Variants in DDAH1 observed in about 807,000 individuals in gnomAD.
The protein encoded by DDAH1 is N(G),N(G)-dimethylarginine dimethylaminohydrolase 1.
A neutral mutation model predicts 28.8 loss-of-function variants in DDAH1; 19 were observed. That is an observed-to-expected ratio of 0.66 (90% confidence interval 0.46 to 0.97). The LOEUF is 0.97. Ranked by LOEUF, DDAH1 falls within the 50% of genes least tolerant of loss-of-function variation. The pLI is 0.00. For synonymous variants in DDAH1, 153 were observed against 154.4 expected, an observed-to-expected ratio of 0.99 and a Z score of 0.07; for missense variants, 326 against 375.9, an observed-to-expected ratio of 0.87 and a Z score of 1.10.
At chr1:85,414,886 A>T (rs553317659) in intron 1 of DDAH1, among the ~76,000 whole-genome samples, 1 of 152,324 alleles carries the variant, frequency 6.6e-6, no homozygotes, top group South Asian at 2.1e-4. Flanking sequence ...ATTGGTAATC[A>T]GGGAAAGAAA....
chr1:85,420,142 C>T (rs1004840582), intron 1 of DDAH1, among the ~76,000 whole-genome samples: 4 of 152,108 alleles, frequency 2.6e-5, no homozygotes, highest in Non-Finnish European at 5.9e-5. Flanking sequence ...AGCACACTCC[C>T]TGGGTCTGTC....
rs561878486 is a variant in DDAH1, at chr1:85,498,878, C to G, written c.-122-2597G>C. On this transcript the variant is annotated intron_variant, in intron 1 of 6. Transcript: ENST00000426972. ...TGGAGGTTGCAGTGAACAGAGATCACGCCACTGCCTTCCAGCCTGGGCGAC... is the reference window on the plus strand; with the variant it reads ...TGGAGGTTGCAGTGAACAGAGATCAGGCCACTGCCTTCCAGCCTGGGCGAC... Among the ~76,000 whole-genome samples the G allele has an allele frequency of 3.3e-5, 5 of 152,084 alleles. No homozygotes were observed. The South Asian group carries it at 1.0e-3, about 32-fold the overall frequency.
At chr1:85,456,270 G>GGT (rs1654877351) in intron 1 of DDAH1, among the ~76,000 whole-genome samples, 1 of 152,164 alleles carries the variant, frequency 6.6e-6, no homozygotes, top group African/African-American at 2.4e-5. Context: ...GAGATTCAAT[G>GGT]GTGACTAATG....
chr1:85,519,431 A>C (rs1213626992), intron 1 of DDAH1, among the ~76,000 whole-genome samples: 2 of 152,242 alleles, frequency 1.3e-5, no homozygotes, highest in African/African-American at 4.8e-5. Flanking sequence ...AAGACTGAGA[A>C]GATAAATACA....
chr1:85,550,056 G>A (rs1658739546), intron 1 of DDAH1, among the ~76,000 whole-genome samples: 1 of 152,090 alleles, frequency 6.6e-6, no homozygotes, highest in African/African-American at 2.4e-5. Flanking sequence ...CAGCATGTCT[G>A]GTATAGTAGA....
chr1:85,437,620 T>G (rs1164208452), intron 1 of DDAH1, among the ~76,000 whole-genome samples: 1 of 152,276 alleles, frequency 6.6e-6, no homozygotes, highest in Non-Finnish European at 1.5e-5. Flanking sequence ...TATGTGTTAA[T>G]GCACTTTATG....
At chr1:85,359,931 T>G (rs996067911) in intron 1 of DDAH1, among the ~76,000 whole-genome samples, 8 of 152,180 alleles carry the variant, frequency 5.3e-5, no homozygotes, top group Non-Finnish European at 8.8e-5. Flanking sequence ...GTCCTTCCAG[T>G]AGCTCAACAA....
chr1:85,537,761 C>T (rs1206341775), intron 1 of DDAH1, among the ~76,000 whole-genome samples: 1 of 151,062 alleles, frequency 6.6e-6, no homozygotes, highest in Non-Finnish European at 1.5e-5. Flanking sequence ...TTGACCCAGA[C>T]TCAGTAAATT....
exon 1 of DDAH1, chr1:85,578,055 G>A: frequency 2.0e-6 from 2 of 982,040 alleles, no homozygotes; most frequent in Non-Finnish European, 2.4e-6. Context: ...CGGAGGCGGC[G>A]AGAAGGCGAC....
intron 2 of DDAH1, among the ~76,000 whole-genome samples, chr1:85,353,629 T>C (rs943850920): frequency 6.6e-6 from 1 of 152,170 alleles, no homozygotes; most frequent in African/African-American, 2.4e-5. Flanking sequence ...TATTATGCAC[T>C]TTATTAAATA....
chr1:85,351,021 A>C (rs1443790531), intron 3 of DDAH1, among the ~76,000 whole-genome samples: 1 of 152,158 alleles, frequency 6.6e-6, no homozygotes, highest in Admixed American at 6.5e-5. Flanking sequence ...CAATCTAAAA[A>C]AAATCTGTAT....
intron 1 of DDAH1, among the ~76,000 whole-genome samples, chr1:85,553,133 A>C (rs1484819886): frequency 3.9e-5 from 6 of 152,058 alleles, no homozygotes; most frequent in Non-Finnish European, 8.8e-5. Context: ...ACTTCCAGCC[A>C]CCCCTACCAA....
intron 1 of DDAH1, among the ~76,000 whole-genome samples, chr1:85,403,892 T>C (rs1037894835): frequency 6.6e-6 from 1 of 152,228 alleles, no homozygotes; most frequent in Non-Finnish European, 1.5e-5. Context: ...ATTTAAAATA[T>C]TGTTTTCCCT....
At chr1:85,352,703 T>G (rs1649284787) in intron 2 of DDAH1, among the ~76,000 whole-genome samples, 1 of 152,204 alleles carries the variant, frequency 6.6e-6, no homozygotes, top group Non-Finnish European at 1.5e-5. Flanking sequence ...TTATAAGTGT[T>G]TTGGGTTTTG....
At chr1:85,540,627 C>G (rs1463454387) in intron 1 of DDAH1, among the ~76,000 whole-genome samples, 1 of 152,124 alleles carries the variant, frequency 6.6e-6, no homozygotes, top group Admixed American at 6.6e-5. Flanking sequence ...CACCATAAAG[C>G]CCAGCAACTT....
At chr1:85,486,634 C>T (rs903702389) in intron 2 of DDAH1, among the ~76,000 whole-genome samples, 1 of 152,104 alleles carries the variant, frequency 6.6e-6, no homozygotes, top group East Asian at 1.9e-4. Flanking sequence ...TGCTATGGCC[C>T]CTGAACTTCT....
At chr1:85,414,991 T>A in intron 1 of DDAH1, among the ~76,000 whole-genome samples, 1 of 145,470 alleles carries the variant, frequency 6.9e-6, no homozygotes. Context: ...GAAAATCAAA[T>A]ATTTCAAGTG....
At chr1:85,549,500 T>C (rs1430911993) in intron 1 of DDAH1, among the ~76,000 whole-genome samples, 1 of 152,210 alleles carries the variant, frequency 6.6e-6, no homozygotes, top group East Asian at 1.9e-4. Flanking sequence ...CTTCTTGTGT[T>C]AGATGTAGAC....
chr1:85,556,744 G>A lies in DDAH1; in HGVS notation c.-123+21240C>T, dbSNP rs999127411. Among the ~76,000 whole-genome samples, 8 of 152,174 alleles carry A rather than the reference G, an allele frequency of 5.3e-5. No individual in the cohort carries two copies. The East Asian group carries it at 1.3e-3, about 26-fold the overall frequency. Reference sequence around the variant, plus strand: ...TAACAAGAATCAATGCTTTCAATGAGGGAAAGTCAGAGAGATCAAACATGC... The same window carrying A: ...TAACAAGAATCAATGCTTTCAATGAAGGAAAGTCAGAGAGATCAAACATGC... On this transcript the variant is annotated intron_variant, in intron 1 of 6. Coordinates refer to the DDAH1 transcript ENST00000426972.
Sources: gnomAD v4.1 joint callset for allele counts (sites outside exome capture counted in the v4.1 genomes callset) on GRCh38, gnomAD v4.1.1 for gene constraint, MANE v1.5 for transcripts, NCBI Gene and HGNC (gene_info 2026-07-23, HGNC 2026-07-21) for gene names.